The following PCDH15 variants were observed in gnomAD, a reference collection of about 807,000 sequenced individuals.
The protein encoded by PCDH15 is protocadherin-15.
In PCDH15, 129 loss-of-function variants were observed where a neutral mutation model predicts 178.5. The observed-to-expected ratio is 0.72, with a 90% CI of 0.63 to 0.84. The LOEUF (loss-of-function observed/expected upper bound fraction) is 0.84. Among genes scored for constraint, PCDH15 ranks in the 40% least tolerant of loss-of-function variants. The pLI is 0.00. For synonymous variants in PCDH15, 800 were observed against 732.0 expected, an observed-to-expected ratio of 1.09 and a Z score of -1.50; for missense variants, 2,230 against 2,099.9, an observed-to-expected ratio of 1.06 and a Z score of -1.21.
chr10:55,119,761 A>G (rs1164668771), intron 2 of PCDH15, among the ~76,000 whole-genome samples: 1 of 152,216 alleles, frequency 6.6e-6, no homozygotes, highest in Non-Finnish European at 1.5e-5. Flanking sequence ...AAATACATTC[A>G]TATTTCACTT....
At chr10:53,975,512 T>C (rs2090113738) in intron 21 of PCDH15, among the ~76,000 whole-genome samples, 2 of 152,190 alleles carry the variant, frequency 1.3e-5, no homozygotes, top group African/African-American at 4.8e-5. Context: ...TGGTTTTGAT[T>C]TGTGTTTCTC....
chr10:55,543,793 T>A (rs1841816081), intron 2 of PCDH15, among the ~76,000 whole-genome samples: 1 of 151,700 alleles, frequency 6.6e-6, no homozygotes, highest in South Asian at 2.1e-4. Flanking sequence ...GATAAATGTA[T>A]GAGCTACCAT....
chr10:55,399,320 T>C (rs779909694), intron 2 of PCDH15, among the ~76,000 whole-genome samples: 1 of 152,168 alleles, frequency 6.6e-6, no homozygotes, highest in Non-Finnish European at 1.5e-5. Flanking sequence ...AATTTTAGCA[T>C]TGGAAAATAT....
At chr10:54,195,157 A>T (rs994288966) in intron 11 of PCDH15, among the ~76,000 whole-genome samples, 1 of 152,316 alleles carries the variant, frequency 6.6e-6, no homozygotes. Flanking sequence ...ACTCATGTAG[A>T]TAGTGTGAGT....
At chr10:54,291,633 G>C (rs1222673689) in intron 8 of PCDH15, among the ~76,000 whole-genome samples, 1 of 152,126 alleles carries the variant, frequency 6.6e-6, no homozygotes, top group African/African-American at 2.4e-5. Context: ...AAATGACAAA[G>C]TGGATATCAC....
At chr10:54,046,751 T>C (rs915747039) in intron 18 of PCDH15, among the ~76,000 whole-genome samples, 13 of 152,164 alleles carry the variant, frequency 8.5e-5, no homozygotes, top group Non-Finnish European at 1.8e-4. Flanking sequence ...ATGTTTACTG[T>C]ATAATAATAT....
At chr10:54,409,919 T>C (rs1374639038) in intron 3 of PCDH15, among the ~76,000 whole-genome samples, 1 of 152,148 alleles carries the variant, frequency 6.6e-6, no homozygotes, top group Non-Finnish European at 1.5e-5. Context: ...CAGATGCCGA[T>C]GCCATACTCT....
At chr10:55,254,058 A>T (rs1156948946) in intron 1 of PCDH15, among the ~76,000 whole-genome samples, 4 of 152,142 alleles carry the variant, frequency 2.6e-5, no homozygotes, top group Non-Finnish European at 2.9e-5. Flanking sequence ...AAGCTACTTG[A>T]TTGTTACTGG....
intron 13 of PCDH15, among the ~76,000 whole-genome samples, chr10:54,157,334 A>T (rs960104997): frequency 1.3e-5 from 2 of 152,200 alleles, no homozygotes; most frequent in Admixed American, 6.5e-5. Context: ...CCAAACCTCA[A>T]TTCTTGACTT....
At chr10:54,979,587 T>C (rs1839167701) in intron 2 of PCDH15, among the ~76,000 whole-genome samples, 1 of 146,654 alleles carries the variant, frequency 6.8e-6, no homozygotes. Flanking sequence ...GAGAATCGTT[T>C]GAACCCAAGA....
At chr10:54,709,941 G>GTATA (rs140527407) in intron 1 of PCDH15, among the ~76,000 whole-genome samples, 1 of 147,956 alleles carries the variant, frequency 6.8e-6, no homozygotes, top group Non-Finnish European at 1.5e-5. Flanking sequence ...ACACCTTTAT[G>GTATA]TATATATATA....
chr10:54,795,374 T>C (rs77958916), intron 1 of PCDH15, among the ~76,000 whole-genome samples: 5,813 of 151,914 alleles, frequency 0.038, 334 homozygotes, highest in African/African-American at 0.13. Context: ...CAGTTGGCCT[T>C]AAGAAAGTAG....
At chr10:53,983,457 AC>A (rs1448534702) in intron 21 of PCDH15, among the ~76,000 whole-genome samples, 1 of 151,546 alleles carries the variant, frequency 6.6e-6, no homozygotes, top group Non-Finnish European at 1.5e-5. Flanking sequence ...TGTTTTTAAC[AC>A]CTGGAATGAC....
At chr10:54,168,088 A>C (rs1050983731) in intron 13 of PCDH15, among the ~76,000 whole-genome samples, 9 of 151,502 alleles carry the variant, frequency 5.9e-5, no homozygotes, top group African/African-American at 9.7e-5. Flanking sequence ...TTCAACTCAC[A>C]CCTGACCTAA....
intron 8 of PCDH15, among the ~76,000 whole-genome samples, chr10:54,278,711 C>A (rs566818170): frequency 6.6e-6 from 1 of 151,636 alleles, no homozygotes; most frequent in East Asian, 1.9e-4. Flanking sequence ...AAATTTTGGT[C>A]ATGAATATCA....
At chr10:55,566,101 C>A (rs888777523) in intron 2 of PCDH15, among the ~76,000 whole-genome samples, 1 of 151,294 alleles carries the variant, frequency 6.6e-6, no homozygotes, top group Non-Finnish European at 1.5e-5. Flanking sequence ...TGATTACAGA[C>A]CGCAAGCAAA....
rs1169645096 is a variant in PCDH15, at chr10:53,805,703, TGA to T, written c.*874_*875del. 6.6e-6 allele frequency: 1 copy of T among 152,104 alleles called. No homozygotes were observed. Among genetic ancestry groups the T allele is most frequent in the Non-Finnish European group, 1.5e-5 (1 of 67,996 alleles). The allele number at this position is 152,104 out of a possible 1,614,324, so 9.4% of individuals were successfully genotyped here. ...CTATTAAAGTCTAGTGACATTAATG[TGA>T]GACTTCCCTAACCTCACCATGTCTT... On this transcript the variant is annotated 3_prime_UTR_variant, in exon 38 of 38. Coordinates refer to ENST00000644397, the MANE Select transcript of PCDH15 (RefSeq NM_001384140.1).
At chr10:54,413,212 A>G (rs1299762838) in intron 3 of PCDH15, among the ~76,000 whole-genome samples, 3 of 152,168 alleles carry the variant, frequency 2.0e-5, no homozygotes, top group African/African-American at 7.2e-5. Context: ...TTTTTAATAG[A>G]CAAGTAACGA....
At chr10:54,706,915 C>T (rs1448235092) in intron 1 of PCDH15, among the ~76,000 whole-genome samples, 1 of 152,152 alleles carries the variant, frequency 6.6e-6, no homozygotes, top group African/African-American at 2.4e-5. Flanking sequence ...AGCCATGGCG[C>T]CCAGCCAGAA....
Sources: allele counts gnomAD v4.1 joint callset (sites outside exome capture counted in the v4.1 genomes callset), GRCh38; gene constraint gnomAD v4.1.1; transcripts MANE v1.5; gene names NCBI Gene and HGNC (gene_info 2026-07-23, HGNC 2026-07-21).